The following CADM2 variants were observed in gnomAD, a reference collection of about 807,000 sequenced individuals.
The protein encoded by CADM2 is immunoglobulin superfamily member 4D.
Under a neutral mutation model 49.8 loss-of-function variants are expected in CADM2, and 12 were observed. That is an observed-to-expected ratio of 0.24 (90% CI 0.15 to 0.39). The LOEUF (loss-of-function observed/expected upper bound fraction) is 0.39, where lower values mean the gene tolerates loss of function less well. CADM2 is among the 10% of genes least tolerant of loss of function. The pLI is 1.00. For synonymous variants in CADM2, 214 were observed against 175.4 expected, an observed-to-expected ratio of 1.22 and a Z score of -1.74; for missense variants, 378 against 492.3, an observed-to-expected ratio of 0.77 and a Z score of 2.20.
chr3:85,526,021 A>G (rs1243594095), intron 1 of CADM2, among the ~76,000 whole-genome samples: 1 of 152,072 alleles, frequency 6.6e-6, no homozygotes, highest in Non-Finnish European at 1.5e-5. Flanking sequence ...TTTTATTTTA[A>G]AAAATCAATT....
intron 1 of CADM2, among the ~76,000 whole-genome samples, chr3:85,123,670 TTTAA>T (rs1233611207): frequency 3.3e-5 from 5 of 152,130 alleles, no homozygotes; most frequent in Non-Finnish European, 7.4e-5. Flanking sequence ...AGGCAAATTG[TTTAA>T]TTAAACATAT....
At chr3:85,279,976 T>C (rs2043461382) in intron 1 of CADM2, among the ~76,000 whole-genome samples, 3 of 151,874 alleles carry the variant, frequency 2.0e-5, no homozygotes, top group Non-Finnish European at 3.0e-5. Context: ...TTTCCTATTC[T>C]GTAGGTGGCC....
intron 2 of CADM2, among the ~76,000 whole-genome samples, chr3:85,770,416 T>C (rs1448106734): frequency 6.6e-6 from 1 of 152,068 alleles, no homozygotes; most frequent in African/African-American, 2.4e-5. Context: ...CAAGCAATCC[T>C]GATCCTTCCA....
chr3:85,100,502 G>T (rs566437080), intron 1 of CADM2, among the ~76,000 whole-genome samples: 1 of 152,120 alleles, frequency 6.6e-6, no homozygotes. Context: ...TTATGAGTGT[G>T]GTAGATTAGA....
chr3:85,110,927 T>C (rs1342192006), intron 1 of CADM2, among the ~76,000 whole-genome samples: 1 of 151,848 alleles, frequency 6.6e-6, no homozygotes. Flanking sequence ...TCATTTGACT[T>C]CCATTGATAA....
In CADM2 at chr3:85,709,863, T is replaced by A. The variant is rs1422191218; in HGVS notation, c.62-16659T>A. ...AAATCTCTTTGAAAAGGGGGTTTTATGAGGTTTTAAGGAGGAGTAGTCATA... is the reference window on the plus strand; with the variant it reads ...AAATCTCTTTGAAAAGGGGGTTTTAAGAGGTTTTAAGGAGGAGTAGTCATA... On this transcript the variant is annotated intron_variant, in intron 1 of 9. Transcript: ENST00000383699. Among the ~76,000 whole-genome samples, 9 of 152,254 alleles carry A rather than the reference T, an allele frequency of 5.9e-5. No homozygotes were observed. In the East Asian group the frequency reaches 1.7e-3, roughly 29 times the overall value.
Position 85,738,657 on chromosome 3 carries a change from T to C in CADM2, c.88+12109T>C, listed in dbSNP as rs1267933887. ...AACTCACCATATCTCTCTTTCTTTTTCTGCCTTTTTTCTTTTTAAATATAA... is the reference window on the plus strand; with the variant it reads ...AACTCACCATATCTCTCTTTCTTTTCCTGCCTTTTTTCTTTTTAAATATAA... On this transcript the variant is annotated intron_variant, in intron 2 of 9. Coordinates refer to ENST00000383699, the MANE Select transcript of CADM2 (RefSeq NM_001167675.2). Among the ~76,000 whole-genome samples, 4 of 152,224 alleles carry C rather than the reference T, an allele frequency of 2.6e-5. No homozygotes were observed. The South Asian group carries it at 8.3e-4, about 32-fold the overall frequency.
At chr3:85,090,286 A>G (rs958881639) in intron 1 of CADM2, among the ~76,000 whole-genome samples, 13 of 152,156 alleles carry the variant, frequency 8.5e-5, no homozygotes, top group Non-Finnish European at 1.5e-5. Context: ...TTATGTTAGT[A>G]TATTTTTCAT....
At chr3:85,362,615 A>G (rs936723396) in intron 1 of CADM2, among the ~76,000 whole-genome samples, 8 of 152,346 alleles carry the variant, frequency 5.3e-5, no homozygotes, top group African/African-American at 1.7e-4. Flanking sequence ...ACATTCACCT[A>G]TAAGGCATTA....
chr3:85,377,534 A>G (rs745863748), intron 1 of CADM2, among the ~76,000 whole-genome samples: 4 of 152,088 alleles, frequency 2.6e-5, no homozygotes, highest in Non-Finnish European at 5.9e-5. Context: ...AATACTGGAC[A>G]TCCTTAGGAA....
intron 1 of CADM2, among the ~76,000 whole-genome samples, chr3:85,412,124 C>T (rs1334244079): frequency 2.6e-5 from 4 of 152,046 alleles, no homozygotes; most frequent in Admixed American, 2.0e-4. Context: ...GCCAACATGC[C>T]GGGCCCACAT....
intron 1 of CADM2, among the ~76,000 whole-genome samples, chr3:85,278,287 T>A (rs76052449): frequency 0.03 from 4,584 of 151,458 alleles, 90 homozygotes; most frequent in South Asian, 0.047. Context: ...ATTTCCGAAG[T>A]ATTCTCCCAT....
At chr3:85,702,910 T>A (rs1477900024) in intron 1 of CADM2, among the ~76,000 whole-genome samples, 1 of 152,144 alleles carries the variant, frequency 6.6e-6, no homozygotes, top group East Asian at 1.9e-4. Flanking sequence ...TGTTTATGAC[T>A]TCACTTCTTT....
At chr3:85,853,745 CTCTT>C (rs1690401081) in intron 3 of CADM2, among the ~76,000 whole-genome samples, 2 of 150,778 alleles carry the variant, frequency 1.3e-5, no homozygotes. Flanking sequence ...TTATTTAGAT[CTCTT>C]TAATAGAAAA....
intron 1 of CADM2, among the ~76,000 whole-genome samples, chr3:85,623,525 G>C (rs766966347): frequency 2.6e-4 from 40 of 152,122 alleles, no homozygotes; most frequent in Non-Finnish European, 4.4e-4. Flanking sequence ...GGCAAACAAC[G>C]TAAGTGTGAG....
chr3:85,028,467 A>T (rs1392557511), intron 1 of CADM2, among the ~76,000 whole-genome samples: 1 of 152,186 alleles, frequency 6.6e-6, no homozygotes, highest in Non-Finnish European at 1.5e-5. Context: ...TGTTAGAACT[A>T]AGAAAACTAT....
intron 1 of CADM2, among the ~76,000 whole-genome samples, chr3:85,039,428 C>A (rs2035353118): frequency 6.7e-6 from 1 of 150,204 alleles, no homozygotes; most frequent in Admixed American, 6.6e-5. Flanking sequence ...TACCTTAGTT[C>A]CTTCTTACAA....
chr3:86,020,173 G>A, intron 8 of CADM2, among the ~76,000 whole-genome samples: 1 of 152,120 alleles, frequency 6.6e-6, no homozygotes, highest in Admixed American at 6.6e-5. Context: ...CGATCCCACA[G>A]AAATACAAAC....
At chr3:86,017,798 G>A (rs1283503372) in intron 8 of CADM2, among the ~76,000 whole-genome samples, 19 of 149,758 alleles carry the variant, frequency 1.3e-4, no homozygotes, top group Admixed American at 1.2e-3. Flanking sequence ...AATTGGCTTA[G>A]GAAAAATTAT....
Sources: gnomAD v4.1 joint callset for allele counts (sites outside exome capture counted in the v4.1 genomes callset) on GRCh38, gnomAD v4.1.1 for gene constraint, MANE v1.5 for transcripts, NCBI Gene and HGNC (gene_info 2026-07-23, HGNC 2026-07-21) for gene names.